Variants in PRELID2 observed in about 807,000 individuals in gnomAD.
The protein encoded by PRELID2 is PRELI domain containing 2, also known as PRELI domain-containing protein 2.
In PRELID2, 25 loss-of-function variants were observed where a neutral mutation model predicts 28.4. The observed-to-expected ratio is 0.88, with a 90% confidence interval of 0.64 to 1.23. The LOEUF (loss-of-function observed/expected upper bound fraction) is 1.23. PRELID2 is among the 50% of genes most tolerant of loss of function. The pLI is 0.00. For synonymous variants in PRELID2, 76 were observed against 71.6 expected, an observed-to-expected ratio of 1.06 and a Z score of -0.31; for missense variants, 201 against 214.4, an observed-to-expected ratio of 0.94 and a Z score of 0.39.
intron 1 of PRELID2, among the ~76,000 whole-genome samples, chr5:145,576,657 C>T (rs1224868340): frequency 1.4e-5 from 2 of 140,232 alleles, no homozygotes; most frequent in East Asian, 4.1e-4. Context: ...GATCACACTA[C>T]ATGGTTATAG....
At chr5:145,470,545 G>A (rs1752045209), downstream of PRELID2, among the ~76,000 whole-genome samples, 1 of 152,064 alleles carries the variant, frequency 6.6e-6, no homozygotes, top group African/African-American at 2.4e-5. Context: ...GAGGAAATGA[G>A]ACATAAAGAG....
chr5:145,815,440 C>T (rs1754233657), intron 4 of PRELID2, among the ~76,000 whole-genome samples: 1 of 152,210 alleles, frequency 6.6e-6, no homozygotes, highest in South Asian at 2.1e-4. Context: ...AAAATTCACC[C>T]TTTTAAGGTA....
the PRELID2 span, chr5:145,229,287 G>A: frequency 2.9e-4 from 219 of 749,620 alleles, 2 homozygotes; most frequent in South Asian, 2.4e-3. Context: ...TTCAAGGGCC[G>A]CAGTGACCTG....
intron 1 of PRELID2, among the ~76,000 whole-genome samples, chr5:145,527,026 G>A (rs578102790): frequency 2.5e-4 from 38 of 152,284 alleles, no homozygotes; most frequent in Middle Eastern, 3.4e-3. Flanking sequence ...CCAGGGCTAC[G>A]ATAATGAGAG....
chr5:145,770,191 T>C (rs545727767), intron 5 of PRELID2, among the ~76,000 whole-genome samples: 1 of 152,302 alleles, frequency 6.6e-6, no homozygotes, highest in Non-Finnish European at 1.5e-5. Flanking sequence ...ATATATTTAT[T>C]ATGTTGTACT....
chr5:145,713,128 T>C (rs1463486353), intron 1 of PRELID2, among the ~76,000 whole-genome samples: 3 of 151,614 alleles, frequency 2.0e-5, no homozygotes, highest in East Asian at 3.9e-4. Flanking sequence ...AAGAAATTAA[T>C]ATAATGATTA....
At chr5:145,344,497 A>C in the PRELID2 span, among the ~76,000 whole-genome samples, 2 of 152,102 alleles carry the variant, frequency 1.3e-5, no homozygotes, top group Admixed American at 1.3e-4. Context: ...GGCTGTTTCT[A>C]ACTTTTCTTA....
At chr5:145,562,666 G>A (rs1752933971) in intron 1 of PRELID2, among the ~76,000 whole-genome samples, 1 of 152,114 alleles carries the variant, frequency 6.6e-6, no homozygotes. Context: ...ACCAGAGTAG[G>A]TGAGTAAGCA....
the PRELID2 span, among the ~76,000 whole-genome samples, chr5:145,350,333 G>A: frequency 6.6e-6 from 1 of 152,134 alleles, no homozygotes; most frequent in Non-Finnish European, 1.5e-5. Flanking sequence ...GTGGTATTTG[G>A]CCTGGGTCTT....
the PRELID2 span, among the ~76,000 whole-genome samples, chr5:145,393,772 C>T: frequency 1.2e-4 from 18 of 152,194 alleles, no homozygotes; most frequent in Admixed American, 3.3e-4. Flanking sequence ...ACTTAAAATA[C>T]GTGTGGAGAA....
chr5:145,640,630 C>T (rs1253050192), intron 1 of PRELID2, among the ~76,000 whole-genome samples: 7 of 139,696 alleles, frequency 5.0e-5, no homozygotes, highest in African/African-American at 1.4e-4. Flanking sequence ...GGCTACAGAG[C>T]GAGACTCTGT....
At chr5:145,586,849 A>C (rs1753159887) in intron 1 of PRELID2, among the ~76,000 whole-genome samples, 1 of 152,204 alleles carries the variant, frequency 6.6e-6, no homozygotes, top group Non-Finnish European at 1.5e-5. Flanking sequence ...TTATAAAGCC[A>C]GGATTATAAC....
intron 1 of PRELID2, among the ~76,000 whole-genome samples, chr5:145,727,429 C>T (rs1756201797): frequency 6.6e-6 from 1 of 152,156 alleles, no homozygotes; most frequent in African/African-American, 2.4e-5. Flanking sequence ...TTTCAAGACT[C>T]TTTTACATTA....
chr5:145,711,709 T>C (rs1755699812), intron 1 of PRELID2, among the ~76,000 whole-genome samples: 1 of 149,862 alleles, frequency 6.7e-6, no homozygotes, highest in Non-Finnish European at 1.5e-5. Context: ...CTCCAGTCCC[T>C]GAGTACTTAC....
the PRELID2 span, among the ~76,000 whole-genome samples, chr5:145,407,496 G>A: frequency 1.3e-5 from 2 of 152,054 alleles, no homozygotes; most frequent in Non-Finnish European, 2.9e-5. Flanking sequence ...GCCTAACCCT[G>A]CCCTTAACTG....
intron 1 of PRELID2, among the ~76,000 whole-genome samples, chr5:145,487,061 A>T (rs2126622670): frequency 7.5e-6 from 1 of 134,144 alleles, no homozygotes; most frequent in African/African-American, 2.8e-5. Flanking sequence ...TGGACACAGG[A>T]AGGGTAATAT....
the PRELID2 span, among the ~76,000 whole-genome samples, chr5:145,280,060 C>T: frequency 6.6e-6 from 1 of 152,184 alleles, no homozygotes; most frequent in East Asian, 1.9e-4. Flanking sequence ...AACTTTCAAG[C>T]CATTTTGATT....
intron 4 of PRELID2, among the ~76,000 whole-genome samples, chr5:145,814,212 T>A (rs960109210): frequency 6.6e-6 from 1 of 152,222 alleles, no homozygotes; most frequent in African/African-American, 2.4e-5. Flanking sequence ...ATTTTATATA[T>A]CACAGATGAA....
At chr5:145,717,628 G>C (rs529021017) in intron 1 of PRELID2, among the ~76,000 whole-genome samples, 4 of 150,988 alleles carry the variant, frequency 2.6e-5, no homozygotes, top group African/African-American at 7.3e-5. Flanking sequence ...CATATGATTT[G>C]ATACAATTAC....
Sources: allele counts gnomAD v4.1 joint callset (sites outside exome capture counted in the v4.1 genomes callset), GRCh38; gene constraint gnomAD v4.1.1; transcripts MANE v1.5; gene names NCBI Gene and HGNC (gene_info 2026-07-23, HGNC 2026-07-21).